Variants in MYORG observed in about 807,000 individuals in gnomAD.
The protein encoded by MYORG is myogenesis regulating glycosidase.
A neutral mutation model predicts 49.8 loss-of-function variants in MYORG; 45 were observed. The observed-to-expected ratio is 0.90, with a 90% CI of 0.71 to 1.16. MYORG has a LOEUF of 1.16. MYORG is among the 50% of genes most tolerant of loss of function. MYORG has a pLI of 0.00. For missense variants in MYORG, 1,110 were observed against 1,026.5 expected (o/e 1.08, Z -1.11); for synonymous variants, 552 against 462.9 (o/e 1.19, Z -2.47).
Position 34,376,407 on chromosome 9 carries a change from G to A in MYORG, c.-64+386C>T, listed in dbSNP as rs981074788. ...TGCCACAGCTAGTCTGGTCTGAGGG[G>A]GAGGGCCCCGCCCGACTCAACTGAG... is the stretch of plus-strand genomic sequence containing the variant. On this transcript the variant is annotated intron_variant, in intron 1 of 1. Coordinates refer to ENST00000297625, the MANE Select transcript of MYORG (RefSeq NM_020702.5). This position sits in a 1 kb window ranked among gnomAD's most constrained non-coding sequence, Gnocchi z 4.4. 2.0e-5 allele frequency among the ~76,000 whole-genome samples: 3 copies of A among 152,210 alleles called. No homozygotes were observed. Among genetic ancestry groups the A allele is most frequent in the Non-Finnish European group, 2.9e-5 (2 of 68,044 alleles).
chr9:34,372,510 A>G lies in MYORG; in HGVS notation c.434T>C (p.Phe145Ser). ...SLTADGLPLH[F>S]FIQTVRPKDT... ...CTTGGGCCGCACAGTCTGGATGAAG[A>G]AGTGCAGCGGCAGCCCGTCGGCCGT... The change falls in exon 2 of 2, where the codon TTC (phenylalanine) becomes TCC (serine). Residue 145 changes from phenylalanine to serine, a missense_variant. Physicochemically the swap from Phe to Ser is radical, Grantham distance 155 (BLOSUM62 -2). Transcript: ENST00000297625. The G allele has an allele frequency of 6.2e-7, 1 of 1,601,558 alleles. No individual in the cohort carries two copies. The highest frequency in any genetic ancestry group is 8.5e-7 in the Non-Finnish European group (1 of 1,174,922).
rs925005147 is a variant in MYORG at position 34,376,514 on chromosome 9, A to G, written c.-64+279T>C. Among the ~76,000 whole-genome samples the G allele has an allele frequency of 5.3e-5, 8 of 152,176 alleles. No homozygotes were observed. The highest frequency in any genetic ancestry group is 8.8e-5 in the Non-Finnish European group (6 of 68,024). On this transcript the variant is annotated intron_variant, in intron 1 of 1. Transcript: ENST00000297625. This position sits in a 1 kb window ranked among gnomAD's most constrained non-coding sequence, Gnocchi z 4.4. ...TGTCAAAGGCAACTCGATCCGGCCC[A>G]TCTCCCTCTCCTGCCAGGCGACGGT...
chr9:34,371,318 G>A lies in MYORG; in HGVS notation c.1626C>T (p.Ser542=). ...RSLIPAVLTV[S]MLGYPFILPD... Reference sequence around the variant, plus strand: ...GTAGGATGAATGGGTAGCCCAGCATGCTGACGGTGAGCACCGCGGGGATGA... The same window carrying A: ...GTAGGATGAATGGGTAGCCCAGCATACTGACGGTGAGCACCGCGGGGATGA... Residue 542 remains serine, a synonymous_variant, in exon 2 of 2, where the codon AGC becomes AGT. Transcript: ENST00000297625. 6.2e-7 allele frequency: 1 copy of A among 1,612,466 alleles called. No individual in the cohort carries two copies. The highest frequency in any genetic ancestry group is 1.6e-4 in the Middle Eastern group (1 of 6,062).
Position 34,371,560 on chromosome 9 carries a change from A to ACTTGAAG in MYORG, c.1377_1383dup (p.Phe462LeufsTer33). On this transcript the variant is annotated frameshift_variant, in exon 2 of 2. Coordinates refer to ENST00000297625, the MANE Select transcript of MYORG (RefSeq NM_020702.5). LOFTEE classifies it high-confidence loss of function. Reference sequence around the variant, plus strand: ...AGGTAGCTGACCTCGCCCGCGTCGAACTTGAAGGAAGCCACGGAGTAGCGA... The same window carrying ACTTGAAG: ...AGGTAGCTGACCTCGCCCGCGTCGAACTTGAAGCTTGAAGGAAGCCACGGAGTAGCGA... The ACTTGAAG allele has an allele frequency of 6.2e-7, 1 of 1,605,218 alleles. No homozygotes were observed. Among genetic ancestry groups the ACTTGAAG allele is most frequent in the Non-Finnish European group, 8.5e-7 (1 of 1,179,114 alleles).
chr9:34,376,083 A>G lies in MYORG; in HGVS notation c.-64+710T>C, dbSNP rs1401141105. On this transcript the variant is annotated intron_variant, in intron 1 of 1. Transcript: ENST00000297625. This position sits in a 1 kb window ranked among gnomAD's most constrained non-coding sequence, Gnocchi z 4.4. ...TGGCTGCCTGAATGCAGTAGCAGAA[A>G]GGAGCCCTGGGGCTGAGCTGGTGGG... is the stretch of plus-strand genomic sequence containing the variant. Among the ~76,000 whole-genome samples, 4 of 152,260 alleles carry G rather than the reference A, an allele frequency of 2.6e-5. No homozygotes were observed. Among genetic ancestry groups the G allele is most frequent in the Non-Finnish European group, 5.9e-5 (4 of 68,048 alleles).
intron 1 of MYORG, among the ~76,000 whole-genome samples, chr9:34,375,612 G>A (rs1820705587): frequency 1.3e-5 from 2 of 152,186 alleles, no homozygotes. Context: ...AAGGAAATAA[G>A]GAGAGAGAGG....
chr9:34,375,896 C>T (rs1362449816), intron 1 of MYORG, among the ~76,000 whole-genome samples: 1 of 152,238 alleles, frequency 6.6e-6, no homozygotes, highest in Admixed American at 6.5e-5. Flanking sequence ...TGTGGAACAG[C>T]AGACATAGCT....
chr9:34,373,372 C>T (rs114955936), intron 1 of MYORG, among the ~76,000 whole-genome samples: 3 of 152,172 alleles, frequency 2.0e-5, no homozygotes, highest in African/African-American at 7.2e-5. Context: ...GCTGAAGAGA[C>T]GGGAAAGGAA....
Position 34,369,152 on chromosome 9 carries a change from A to G in MYORG, c.*1647T>C, listed in dbSNP as rs956491341. The G allele has an allele frequency of 6.6e-6, 1 of 152,250 alleles. No individual in the cohort carries two copies. Among genetic ancestry groups the G allele is most frequent in the African/African-American group, 2.4e-5 (1 of 41,528 alleles). 9.4% of individuals were successfully genotyped at this position (152,250 alleles called of 1,614,324 possible). A position where few individuals can be genotyped will look rare whatever the true frequency, so the allele number is the denominator to read the frequency against. On this transcript the variant is annotated 3_prime_UTR_variant, in exon 2 of 2. Coordinates refer to ENST00000297625, the MANE Select transcript of MYORG (RefSeq NM_020702.5). Reference sequence around the variant, plus strand: ...TCCCACTGGGTCCTTCCCACAACACATGGCAATTATGGGAGCTACAATTCA... The same window carrying G: ...TCCCACTGGGTCCTTCCCACAACACGTGGCAATTATGGGAGCTACAATTCA...
At position 34,371,040 on chromosome 9, in the gene MYORG, C is replaced by G. The variant is rs757892813; in HGVS notation, c.1904G>C (p.Arg635Pro). 2.5e-6 allele frequency: 4 copies of G among 1,612,974 alleles called. No homozygotes were observed. The highest frequency in any genetic ancestry group is 2.2e-5 in the South Asian group (2 of 91,086). ...GCCGGGCGCAATCCACCAAAGGGGG[C>G]GCACGATAGGGTCACCCGTGTCGGT... ...EVTDTGDPIV[R>P]PLWWIAPGDE... Residue 635 changes from arginine (R) to proline (P), a missense_variant, in exon 2 of 2, where the codon CGC (arginine) becomes CCC (proline). By Grantham distance (103) the Arg-to-Pro change is moderately radical (BLOSUM62 -2). Transcript: ENST00000297625.
rs762939924 is a variant in MYORG, at chr9:34,371,766, G to A, written c.1178C>T (p.Pro393Leu). ...GCGCGACGAGTTGTAGTTGACAAAA[G>A]GGTGCACCCAGAGCGTGACGCGGAA... ...AGFRVTLWVH[P>L]FVNYNSSRFG... The change falls in exon 2 of 2, where the codon CCT (proline) becomes CTT (leucine). Residue 393 changes from proline to leucine, a missense_variant. Physicochemically the swap from Pro to Leu is moderately conservative, Grantham distance 98. Coordinates refer to ENST00000297625, the MANE Select transcript of MYORG (RefSeq NM_020702.5). 6.2e-7 allele frequency: 1 copy of A among 1,613,798 alleles called. No homozygotes were observed. Among genetic ancestry groups the A allele is most frequent in the South Asian group, 1.1e-5 (1 of 91,068 alleles).
rs764400174 is a variant in MYORG at position 34,371,362 on chromosome 9, C to T, written c.1582G>A (p.Asp528Asn). The T allele has an allele frequency of 3.1e-6, 5 of 1,613,058 alleles. No homozygotes were observed. Among genetic ancestry groups the T allele is most frequent in the Admixed American group, 1.7e-5 (1 of 59,960 alleles). ...GGGATGAGTGAGCGCAACCCCAGGT[C>T]GTAGCCCCACACAGAGTCGCGATCC... ...LVDRDSVWGY[D>N]LGLRSLIPAV... Residue 528 changes from aspartate (D) to asparagine (N), a missense_variant, in exon 2 of 2, where the codon GAC becomes AAC. Transcript: ENST00000297625.
chr9:34,373,719 C>T (rs1820679799), intron 1 of MYORG, among the ~76,000 whole-genome samples: 2 of 152,240 alleles, frequency 1.3e-5, no homozygotes, highest in South Asian at 2.1e-4. Context: ...TCCAGAAGTG[C>T]TGGCATTACA....
Position 34,371,120 on chromosome 9 carries a change from G to C in MYORG, c.1824C>G (p.Ala608=). The change falls in exon 2 of 2, where the codon GCC becomes GCG. Residue 608 remains alanine (A), a synonymous_variant. Coordinates refer to ENST00000297625, the MANE Select transcript of MYORG (RefSeq NM_020702.5). The part of the protein sequence containing the change: ...AEVVAIAQKF[A]ALRASLVAPL... Reference sequence around the variant, plus strand: ...GTGCCACAAGCGAGGCCCGCAGGGCGGCGAACTTCTGCGCGATGGCCACCA... The same window carrying C: ...GTGCCACAAGCGAGGCCCGCAGGGCCGCGAACTTCTGCGCGATGGCCACCA... 1 of 1,607,468 alleles carries C rather than the reference G, an allele frequency of 6.2e-7. No individual in the cohort carries two copies.
At position 34,373,002 on chromosome 9, in the gene MYORG, C is replaced by T; in HGVS notation, c.-59G>A. On this transcript the variant is annotated 5_prime_UTR_variant, in exon 2 of 2. Transcript: ENST00000297625. ...GCCATCTGACTGAGTTCATCTCAAC[C>T]TGCTCTGAAAGGAGGAGACAGAGAT... 6.4e-7 allele frequency: 1 copy of T among 1,570,180 alleles called. No individual in the cohort carries two copies. The highest frequency in any genetic ancestry group is 1.8e-5 in the Admixed American group (1 of 56,948).
At chr9:34,375,548 C>T (rs909449203) in intron 1 of MYORG, among the ~76,000 whole-genome samples, 3 of 152,216 alleles carry the variant, frequency 2.0e-5, no homozygotes, top group African/African-American at 7.2e-5. Flanking sequence ...TCAGATCACA[C>T]CTGTGAGTTT....
chr9:34,373,657 T>G (rs1387370000), intron 1 of MYORG, among the ~76,000 whole-genome samples: 1 of 152,170 alleles, frequency 6.6e-6, no homozygotes, highest in Non-Finnish European at 1.5e-5. Flanking sequence ...TTCACCATGT[T>G]GGTCAGGCTG....
At position 34,368,813 on chromosome 9, in the gene MYORG, T is replaced by C. The variant is rs1476327551; in HGVS notation, c.*1986A>G. ...ACCCAGTTCCAAAGTTGCTTCCACA[T>C]TTTTGGGTATTTACAGCAGCGCCCC... On this transcript the variant is annotated 3_prime_UTR_variant, in exon 2 of 2. Transcript: ENST00000297625. The C allele has an allele frequency of 6.6e-6, 1 of 152,666 alleles. No individual in the cohort carries two copies. The highest frequency in any genetic ancestry group is 6.5e-5 in the Admixed American group (1 of 15,294). 9.5% of individuals were successfully genotyped at this position (152,666 alleles called of 1,614,324 possible). A position where few individuals can be genotyped will look rare whatever the true frequency, so the allele number is the denominator to read the frequency against.
chr9:34,374,206 AG>A (rs1297814056), intron 1 of MYORG, among the ~76,000 whole-genome samples: 2 of 152,182 alleles, frequency 1.3e-5, no homozygotes, highest in Non-Finnish European at 2.9e-5. Context: ...TTCCCCCAAC[AG>A]GCCTCTCTGA....
Sources: allele counts gnomAD v4.1 joint callset (sites outside exome capture counted in the v4.1 genomes callset), GRCh38; gene constraint gnomAD v4.1.1; non-coding constraint Gnocchi (gnomAD v3.1); transcripts MANE v1.5; gene names NCBI Gene and HGNC (gene_info 2026-07-23, HGNC 2026-07-21).